Variants in CSMD1 observed in about 807,000 individuals in gnomAD.
The protein encoded by CSMD1 is CUB and sushi domain-containing protein 1.
Under a neutral mutation model 417.5 loss-of-function variants are expected in CSMD1, and 213 were observed. The ratio of observed to expected loss-of-function variants is 0.51; its 90% confidence interval spans 0.46 to 0.57. The LOEUF (loss-of-function observed/expected upper bound fraction) is 0.57, where lower values mean the gene tolerates loss of function less well. CSMD1 is among the 20% of genes least tolerant of loss of function. The probability of loss-of-function intolerance (pLI) is 0.00; values close to 1 mark genes in which losing one functional copy is unlikely to be tolerated. For missense variants in CSMD1, 6,923 were observed against 4,529.7 expected (o/e 1.53, Z -15.17); for synonymous variants, 2,862 against 1,736.8 (o/e 1.65, Z -16.11).
intron 3 of CSMD1, among the ~76,000 whole-genome samples, chr8:4,342,573 C>T (rs955659475): frequency 6.6e-6 from 1 of 151,954 alleles, no homozygotes; most frequent in Non-Finnish European, 1.5e-5. Flanking sequence ...CTCAGATGGA[C>T]ACTTCCCCAT....
intron 5 of CSMD1, among the ~76,000 whole-genome samples, chr8:3,910,980 A>C (rs1238743820): frequency 2.0e-5 from 3 of 152,200 alleles, no homozygotes; most frequent in Non-Finnish European, 4.4e-5. Flanking sequence ...TTCTGTAGCT[A>C]TTACAAGACA....
chr8:4,895,846 A>G (rs749326907), intron 1 of CSMD1, among the ~76,000 whole-genome samples: 1 of 152,096 alleles, frequency 6.6e-6, no homozygotes, highest in African/African-American at 2.4e-5. Flanking sequence ...TTACCACGAT[A>G]TTATTTATCT....
chr8:4,035,166 C>G (rs1393139900), intron 3 of CSMD1, among the ~76,000 whole-genome samples: 1 of 148,334 alleles, frequency 6.7e-6, no homozygotes. Flanking sequence ...GAGATGATGG[C>G]GTACTGATGT....
chr8:3,137,025 A>G (rs1818142010), intron 41 of CSMD1, among the ~76,000 whole-genome samples: 1 of 152,172 alleles, frequency 6.6e-6, no homozygotes, highest in Non-Finnish European at 1.5e-5. Flanking sequence ...TTCAATACAT[A>G]TAATCTAAGT....
intron 3 of CSMD1, among the ~76,000 whole-genome samples, chr8:4,405,050 T>A (rs1035017794): frequency 6.6e-6 from 1 of 152,244 alleles, no homozygotes; most frequent in East Asian, 1.9e-4. Flanking sequence ...GTGACTATGC[T>A]GGACACTTTC....
At chr8:3,764,708 A>C (rs1046406582) in intron 5 of CSMD1, among the ~76,000 whole-genome samples, 3 of 150,852 alleles carry the variant, frequency 2.0e-5, no homozygotes, top group Non-Finnish European at 4.4e-5. Context: ...TTCATGGGGA[A>C]GCTAAATCAC....
At chr8:3,022,651 G>A (rs1234785142) in intron 51 of CSMD1, among the ~76,000 whole-genome samples, 3 of 146,968 alleles carry the variant, frequency 2.0e-5, no homozygotes, top group Admixed American at 6.8e-5. Context: ...ATAAACTCAA[G>A]AGTAGGTCTT....
At chr8:3,693,390 C>G (rs1227694445) in intron 7 of CSMD1, among the ~76,000 whole-genome samples, 2 of 152,000 alleles carry the variant, frequency 1.3e-5, no homozygotes, top group Non-Finnish European at 2.9e-5. Flanking sequence ...AATATAATGA[C>G]TTTTGTTAAG....
chr8:4,343,731 G>A (rs969366770), intron 3 of CSMD1, among the ~76,000 whole-genome samples: 1 of 151,970 alleles, frequency 6.6e-6, no homozygotes, highest in African/African-American at 2.4e-5. Flanking sequence ...AGGTCCATAA[G>A]GAAATATCAT....
chr8:3,194,054 C>T (rs940985936), intron 33 of CSMD1, among the ~76,000 whole-genome samples: 11 of 152,166 alleles, frequency 7.2e-5, no homozygotes, highest in African/African-American at 2.2e-4. Flanking sequence ...AATCATTCCT[C>T]TCTCATCGTT....
intron 3 of CSMD1, among the ~76,000 whole-genome samples, chr8:4,096,420 G>A (rs1455677859): frequency 6.6e-6 from 1 of 152,002 alleles, no homozygotes; most frequent in African/African-American, 2.4e-5. Flanking sequence ...AGTGAAAACA[G>A]GAAGGAAAAA....
At chr8:2,972,520 A>C (rs890554905) in intron 57 of CSMD1, among the ~76,000 whole-genome samples, 10 of 152,122 alleles carry the variant, frequency 6.6e-5, no homozygotes, top group African/African-American at 2.2e-4. Context: ...TTGAGGCTAC[A>C]TTTCTGATAC....
chr8:4,651,565 G>A (rs577492299), intron 1 of CSMD1, among the ~76,000 whole-genome samples: 1 of 152,154 alleles, frequency 6.6e-6, no homozygotes, highest in Non-Finnish European at 1.5e-5. Context: ...TTTTACTTAA[G>A]AACAAAACTA....
intron 49 of CSMD1, among the ~76,000 whole-genome samples, chr8:3,085,673 G>A (rs1293556609): frequency 1.3e-5 from 2 of 152,168 alleles, no homozygotes; most frequent in Non-Finnish European, 2.9e-5. Context: ...GTGTGGGGAG[G>A]CCATGGGAGA....
chr8:3,754,085 C>A (rs776274623), intron 5 of CSMD1, 43 bp from the exon 6 acceptor site: 14 of 1,330,172 alleles, frequency 1.1e-5, no homozygotes, highest in East Asian at 2.3e-5. Context: ...TGTAAACCAA[C>A]AGAGCAAATG....
At chr8:4,077,837 A>G (rs1458791739) in intron 3 of CSMD1, among the ~76,000 whole-genome samples, 2 of 152,136 alleles carry the variant, frequency 1.3e-5, no homozygotes, top group Non-Finnish European at 2.9e-5. Context: ...ACATAAACCA[A>G]ATTGAGCCTA....
chr8:3,437,083 C>A (rs931083671), intron 12 of CSMD1, among the ~76,000 whole-genome samples: 3 of 152,144 alleles, frequency 2.0e-5, no homozygotes, highest in Admixed American at 2.0e-4. Flanking sequence ...CATCGAAAAA[C>A]TTCAAAGACT....
At chr8:3,297,629 C>G (rs1282736868) in intron 25 of CSMD1, among the ~76,000 whole-genome samples, 1 of 152,064 alleles carries the variant, frequency 6.6e-6, no homozygotes, top group Non-Finnish European at 1.5e-5. Context: ...ACACTTCAGT[C>G]TCCATACTGT....
chr8:4,089,315 G>C (rs931381549), intron 3 of CSMD1, among the ~76,000 whole-genome samples: 1 of 152,294 alleles, frequency 6.6e-6, no homozygotes, highest in African/African-American at 2.4e-5. Context: ...AAAGAAGAAA[G>C]AAGGAAAGAA....
Sources: gnomAD v4.1 joint callset for allele counts (sites outside exome capture counted in the v4.1 genomes callset) on GRCh38, gnomAD v4.1.1 for gene constraint, MANE v1.5 for transcripts, NCBI Gene and HGNC (gene_info 2026-07-23, HGNC 2026-07-21) for gene names.